The following KIAA1671 variants were observed in gnomAD, a reference collection of about 807,000 sequenced individuals.
KIAA1671 encodes uncharacterized protein KIAA1671.
KIAA1671 carries 52 observed loss-of-function variants against 131.2 expected under a neutral mutation model. That is an observed-to-expected ratio of 0.40 (90% CI 0.32 to 0.50). The LOEUF (loss-of-function observed/expected upper bound fraction) is 0.50, where lower values mean the gene tolerates loss of function less well. Ranked by LOEUF, KIAA1671 falls within the 20% of genes least tolerant of loss-of-function variation. The pLI is 0.73. For synonymous variants in KIAA1671, 1,003 were observed against 961.6 expected (o/e 1.04, Z -0.80); for missense variants, 2,360 against 2,364.2 (o/e 1.00, Z 0.04).
At chr22:25,191,330 A>AT (rs1226750454) in intron 12 of KIAA1671, among the ~76,000 whole-genome samples, 2 of 151,490 alleles carry the variant, frequency 1.3e-5, no homozygotes, top group East Asian at 1.9e-4. Context: ...TGATTTTTAT[A>AT]TTTTTTGTAG....
chr22:25,038,052 G>A (rs2145802861), intron 4 of KIAA1671, among the ~76,000 whole-genome samples: 1 of 152,296 alleles, frequency 6.6e-6, no homozygotes, highest in South Asian at 2.1e-4. Flanking sequence ...CCAGGCTGGA[G>A]TCTTGAATTC....
intron 10 of KIAA1671, among the ~76,000 whole-genome samples, chr22:25,182,216 GTCCT>G (rs1224424345): frequency 4.1e-5 from 6 of 147,996 alleles, no homozygotes; most frequent in African/African-American, 1.0e-4. Flanking sequence ...CCTTCCTTCC[GTCCT>G]TCCTTCCTTT....
In KIAA1671 at chr22:25,093,800, C is replaced by G. The variant is rs996134035; in HGVS notation, c.4530+44436C>G. Among the ~76,000 whole-genome samples, 386 of 131,598 alleles carry G rather than the reference C, an allele frequency of 2.9e-3. 10 individuals are homozygous for G. The highest frequency in any genetic ancestry group is 4.8e-3 in the African/African-American group (163 of 34,254). 86.3% of individuals were successfully genotyped at this position (131,598 alleles called of 152,430 possible). On this transcript the variant is annotated intron_variant, in intron 6 of 12. Transcript: ENST00000358431. ...TCTCTCTCTCTCTCTCTCTCTCTCT[C>G]TCTCTCTCTCTGTCTCTCTCTCTTT...
intron 6 of KIAA1671, among the ~76,000 whole-genome samples, chr22:25,129,819 G>T (rs1601340664): frequency 2.6e-5 from 4 of 152,226 alleles, no homozygotes; most frequent in African/African-American, 9.6e-5. Flanking sequence ...AGGTTACCAT[G>T]CCCAACAATT....
intron 6 of KIAA1671, among the ~76,000 whole-genome samples, chr22:25,161,518 T>C (rs1280336400): frequency 6.6e-6 from 1 of 151,956 alleles, no homozygotes; most frequent in Non-Finnish European, 1.5e-5. Context: ...TCAGAACAGA[T>C]GAGGAAAGAG....
chr22:24,966,055 C>T (rs1449521551), intron 1 of KIAA1671, among the ~76,000 whole-genome samples: 1 of 152,202 alleles, frequency 6.6e-6, no homozygotes, highest in East Asian at 1.9e-4. Context: ...CCTTGCTTCG[C>T]AGCTAGTGGC....
chr22:25,130,261 G>A (rs1052531049), intron 6 of KIAA1671, among the ~76,000 whole-genome samples: 4 of 152,126 alleles, frequency 2.6e-5, no homozygotes, highest in Admixed American at 6.5e-5. Context: ...GCACATACCC[G>A]TGTAAGTCAC....
intron 5 of KIAA1671, among the ~76,000 whole-genome samples, chr22:25,045,978 T>C (rs1927205393): frequency 6.6e-6 from 1 of 152,078 alleles, no homozygotes; most frequent in Non-Finnish European, 1.5e-5. Flanking sequence ...TGATGGGTAT[T>C]TGGGTGGATT....
At position 25,079,312 on chromosome 22, in the gene KIAA1671, C is replaced by G. The variant is rs186015321; in HGVS notation, c.4530+29948C>G. 1.1e-3 allele frequency among the ~76,000 whole-genome samples: 170 copies of G among 152,112 alleles called. 1 individual carries two copies. The highest frequency in any genetic ancestry group is 3.4e-3 in the Middle Eastern group (1 of 294). ...TGGCACCATCTCGGCTCACTGCAAC[C>G]TCCGCCTCCTGGGTTCAAATGATTC... is the stretch of plus-strand genomic sequence containing the variant. On this transcript the variant is annotated intron_variant, in intron 6 of 12. Transcript: ENST00000358431.
chr22:25,130,529 A>C (rs146117177), intron 6 of KIAA1671, among the ~76,000 whole-genome samples: 9 of 152,362 alleles, frequency 5.9e-5, no homozygotes, highest in African/African-American at 2.2e-4. Flanking sequence ...GAGATTTGTC[A>C]TACTCTGAAA....
At chr22:24,960,628 A>T in intron 1 of KIAA1671, among the ~76,000 whole-genome samples, 2 of 141,126 alleles carry the variant, frequency 1.4e-5, no homozygotes, top group South Asian at 2.3e-4. Flanking sequence ...TCCCCTGTTG[A>T]TGGACATTGA....
At chr22:25,015,670 C>T (rs1257135111) in intron 1 of KIAA1671, among the ~76,000 whole-genome samples, 1 of 152,130 alleles carries the variant, frequency 6.6e-6, no homozygotes, top group African/African-American at 2.4e-5. Context: ...TGTTTATTCC[C>T]ATTGTTGAAC....
chr22:25,001,239 G>GTA (rs58920593), intron 1 of KIAA1671, among the ~76,000 whole-genome samples: 38,244 of 141,286 alleles, frequency 0.27, 4,939 homozygotes, highest in East Asian at 0.48. Flanking sequence ...GTGTGTATAT[G>GTA]TGTGTGTGTG....
At chr22:24,963,998 G>A (rs778836998) in intron 1 of KIAA1671, among the ~76,000 whole-genome samples, 6 of 150,694 alleles carry the variant, frequency 4.0e-5, no homozygotes, top group Non-Finnish European at 7.4e-5. Flanking sequence ...TCTTTATGCA[G>A]ACCCCACTTT....
chr22:24,960,426 AT>A (rs1921953754), intron 1 of KIAA1671, among the ~76,000 whole-genome samples: 1 of 150,432 alleles, frequency 6.6e-6, no homozygotes, highest in African/African-American at 2.4e-5. Context: ...CGCGCCTGTA[AT>A]CCCAGCTACT....
At chr22:25,036,507 CTAATA>C (rs1926607075) in intron 4 of KIAA1671, among the ~76,000 whole-genome samples, 1 of 152,010 alleles carries the variant, frequency 6.6e-6, no homozygotes, top group Admixed American at 6.6e-5. Flanking sequence ...TTCGGTCTTT[CTAATA>C]TATATATAAA....
At chr22:25,077,838 C>G (rs1445842458) in intron 6 of KIAA1671, among the ~76,000 whole-genome samples, 2 of 152,358 alleles carry the variant, frequency 1.3e-5, no homozygotes, top group Admixed American at 6.5e-5. Context: ...GACCCTCTTG[C>G]TACTTGTTCA....
At chr22:24,988,735 CAAAAAA>C (rs133092) in intron 1 of KIAA1671, among the ~76,000 whole-genome samples, 1 of 106,514 alleles carries the variant, frequency 9.4e-6, no homozygotes. Flanking sequence ...GACTCCATCT[CAAAAAA>C]AAAAAAAAAA....
At chr22:24,962,381 G>T (rs1234065052) in intron 1 of KIAA1671, among the ~76,000 whole-genome samples, 1 of 152,170 alleles carries the variant, frequency 6.6e-6, no homozygotes, top group Non-Finnish European at 1.5e-5. Context: ...CCAGATGGTG[G>T]CTGTGAGGAT....
Sources: gnomAD v4.1 joint callset for allele counts (sites outside exome capture counted in the v4.1 genomes callset) on GRCh38, gnomAD v4.1.1 for gene constraint, MANE v1.5 for transcripts, NCBI Gene and HGNC (gene_info 2026-07-23, HGNC 2026-07-21) for gene names.